Variants in ADCY10 observed in about 807,000 individuals in gnomAD.
ADCY10 encodes adenylate cyclase 10.
ADCY10 carries 156 observed loss-of-function variants against 183.3 expected under a neutral mutation model. The observed-to-expected ratio is 0.85, with a 90% CI of 0.75 to 0.97. The LOEUF (loss-of-function observed/expected upper bound fraction) is 0.97, where lower values mean the gene tolerates loss of function less well. ADCY10 is among the 50% of genes least tolerant of loss of function. The pLI, the probability that ADCY10 is intolerant of heterozygous loss-of-function variation, is 0.00. For missense variants in ADCY10, 1,745 were observed against 1,934.3 expected (o/e 0.90, Z 1.84); for synonymous variants, 645 against 670.0 (o/e 0.96, Z 0.58).
At chr1:167,815,356 T>C (rs1662467898) in intron 31 of ADCY10, among the ~76,000 whole-genome samples, 1 of 152,188 alleles carries the variant, frequency 6.6e-6, no homozygotes, top group African/African-American at 2.4e-5. Flanking sequence ...AGAAACTATG[T>C]AACCAGAGCC....
chr1:167,903,366 C>A (rs556969341), intron 3 of ADCY10, among the ~76,000 whole-genome samples: 1 of 152,226 alleles, frequency 6.6e-6, no homozygotes, highest in East Asian at 1.9e-4. Context: ...GAGTTTGAGA[C>A]CAGCCTGGCC....
chr1:167,906,583 C>T (rs1400567253), intron 1 of ADCY10, among the ~76,000 whole-genome samples: 1 of 147,242 alleles, frequency 6.8e-6, no homozygotes, highest in Admixed American at 6.9e-5. Flanking sequence ...AGCCCGAGTT[C>T]GAGACCAGCT....
chr1:167,847,884 G>C (rs1402118954), intron 19 of ADCY10, among the ~76,000 whole-genome samples: 6 of 152,128 alleles, frequency 3.9e-5, no homozygotes, highest in African/African-American at 1.4e-4. Context: ...ATATACACAG[G>C]GGGAAAGATG....
intron 5 of ADCY10, 90 bp downstream of exon 5, chr1:167,901,572 T>C: frequency 7.5e-7 from 1 of 1,330,786 alleles, no homozygotes. Flanking sequence ...GCCACCATGT[T>C]CTACTACTTC....
chr1:167,876,957 T>C (rs1667510020), intron 12 of ADCY10, among the ~76,000 whole-genome samples: 1 of 152,142 alleles, frequency 6.6e-6, no homozygotes, highest in African/African-American at 2.4e-5. Flanking sequence ...TTATCCCAAC[T>C]GAGGCCGCCA....
intron 29 of ADCY10, 32 bp downstream of exon 29, chr1:167,822,976 C>T (rs745759923): frequency 6.3e-7 from 1 of 1,594,684 alleles, no homozygotes; most frequent in East Asian, 2.2e-5. Context: ...TCAACACCCC[C>T]AAGTTCTTTT....
At chr1:167,865,229 A>C (rs148299004) in intron 14 of ADCY10, among the ~76,000 whole-genome samples, 4,912 of 152,312 alleles carry the variant, frequency 0.032, 103 homozygotes, top group Middle Eastern at 0.071. Flanking sequence ...TTTTACCTAC[A>C]TTAAAAGGTT....
chr1:167,822,972 C>A, intron 29 of ADCY10, 36 bp downstream of exon 29: 1 of 1,582,000 alleles, frequency 6.3e-7, no homozygotes, highest in Non-Finnish European at 8.7e-7. Flanking sequence ...GGTATCAACA[C>A]CCCCAAGTTC....
intron 9 of ADCY10, among the ~76,000 whole-genome samples, chr1:167,880,990 C>A (rs1667837389): frequency 6.6e-6 from 1 of 152,164 alleles, no homozygotes. Flanking sequence ...GTCCTCAAGC[C>A]ACTTCTCAAG....
chr1:167,904,884 C>T, intron 2 of ADCY10, 109 bp downstream of exon 2: 1 of 1,461,274 alleles, frequency 6.8e-7, no homozygotes, highest in Non-Finnish European at 9.6e-7. Context: ...GCTGTGACAG[C>T]CCAAGGGCTC....
chr1:167,896,442 C>G (rs999907633), intron 7 of ADCY10, among the ~76,000 whole-genome samples, 153 bp downstream of exon 7: 1 of 151,832 alleles, frequency 6.6e-6, no homozygotes, highest in Non-Finnish European at 1.5e-5. Context: ...ATTGCTGTCC[C>G]GGAGAATGGG....
At chr1:167,881,413 C>T (rs1223161276) in intron 9 of ADCY10, among the ~76,000 whole-genome samples, 1 of 152,204 alleles carries the variant, frequency 6.6e-6, no homozygotes, top group Non-Finnish European at 1.5e-5. Context: ...TCAATTTCTT[C>T]AACCCTCTCC....
chr1:167,809,533 A>G lies in ADCY10; in HGVS notation c.*145T>C. ...CTCCTGACCCTTGTAGGCCCTCCAG[A>G]AAGAGAAGAAATCAACATGTCTGTT... On this transcript the variant is annotated 3_prime_UTR_variant, in exon 33 of 33. Coordinates refer to ENST00000367851, the MANE Select transcript of ADCY10 (RefSeq NM_018417.6). 1 of 924,696 alleles carries G rather than the reference A, an allele frequency of 1.1e-6. No individual in the cohort carries two copies. The highest frequency in any genetic ancestry group is 2.5e-5 in the East Asian group (1 of 39,454). 57.3% of individuals were successfully genotyped at this position (924,696 alleles called of 1,614,324 possible).
At chr1:167,826,023 T>A (rs1663263760) in intron 26 of ADCY10, among the ~76,000 whole-genome samples, 2 of 152,124 alleles carry the variant, frequency 1.3e-5, no homozygotes, top group East Asian at 3.9e-4. Flanking sequence ...GTGGGAGTAT[T>A]GGGGTCGGGG....
At chr1:167,882,891 CA>C (rs1349844723) in intron 9 of ADCY10, among the ~76,000 whole-genome samples, 2 of 152,184 alleles carry the variant, frequency 1.3e-5, no homozygotes, top group Non-Finnish European at 2.9e-5. Context: ...AGGATAATGA[CA>C]AGAGCAACCT....
intron 16 of ADCY10, among the ~76,000 whole-genome samples, chr1:167,858,510 A>G (rs1269845462): frequency 6.6e-6 from 1 of 151,176 alleles, no homozygotes; most frequent in African/African-American, 2.4e-5. Flanking sequence ...AAAAAAAAAA[A>G]AAAAAAAAAA....
intron 18 of ADCY10, among the ~76,000 whole-genome samples, chr1:167,851,288 G>A (rs535810329): frequency 6.6e-6 from 1 of 152,210 alleles, no homozygotes; most frequent in East Asian, 1.9e-4. Flanking sequence ...CCTGGCTCAA[G>A]CAATCCTCCC....
chr1:167,819,174 T>G (rs7541941), intron 30 of ADCY10, among the ~76,000 whole-genome samples: 64,847 of 151,496 alleles, frequency 0.43, 16,339 homozygotes, highest in African/African-American at 0.71. Flanking sequence ...CTCTTTAATA[T>G]TCTACCTGCA....
intron 9 of ADCY10, among the ~76,000 whole-genome samples, chr1:167,881,114 T>A (rs140399352): frequency 6.6e-6 from 1 of 152,326 alleles, no homozygotes; most frequent in East Asian, 1.9e-4. Flanking sequence ...ATTAATGTGT[T>A]ATATATATTC....
Sources: allele counts gnomAD v4.1 joint callset (sites outside exome capture counted in the v4.1 genomes callset), GRCh38; gene constraint gnomAD v4.1.1; transcripts MANE v1.5; gene names NCBI Gene and HGNC (gene_info 2026-07-23, HGNC 2026-07-21).